The following PAX3 variants were observed in gnomAD, a reference collection of about 807,000 sequenced individuals.
PAX3 encodes paired box 3.
Under a neutral mutation model 51.6 loss-of-function variants are expected in PAX3, and 14 were observed. The observed-to-expected ratio is 0.27, with a 90% CI of 0.18 to 0.42. The LOEUF (loss-of-function observed/expected upper bound fraction) is 0.42, where lower values mean the gene tolerates loss of function less well. Ranked by LOEUF, PAX3 falls within the 10% of genes least tolerant of loss-of-function variation. The probability of loss-of-function intolerance (pLI) is 1.00; values close to 1 mark genes in which losing one functional copy is unlikely to be tolerated. For synonymous variants in PAX3, 280 were observed against 253.4 expected (o/e 1.11, Z -1.00); for missense variants, 540 against 642.8 (o/e 0.84, Z 1.73).
At position 222,228,473 on chromosome 2, in the gene PAX3, G is replaced by A. The variant is rs563613843; in HGVS notation, c.792+3605C>T. ...ATGCTGGGTGCTGTACAAGCTACAT[G>A]GGTTTGAAATATATTCTGTCTCCAT... On this transcript the variant is annotated intron_variant, in intron 5 of 8. Coordinates refer to ENST00000392070, the MANE Select transcript of PAX3 (RefSeq NM_181458.4). 3.5e-4 allele frequency among the ~76,000 whole-genome samples: 53 copies of A among 152,248 alleles called. 1 individual carries two copies. The South Asian group carries it at 0.011, about 32-fold the overall frequency.
At chr2:222,201,727 T>C (rs1339136620) in intron 8 of PAX3, 3 of 1,460,510 alleles carry the variant, frequency 2.1e-6, no homozygotes, top group African/African-American at 1.4e-5. Flanking sequence ...GTTTCACGTC[T>C]CAACAATTAA....
intron 4 of PAX3, among the ~76,000 whole-genome samples, chr2:222,238,783 T>C (rs1692893715): frequency 6.6e-6 from 1 of 152,208 alleles, no homozygotes; most frequent in Non-Finnish European, 1.5e-5. Context: ...GAATCCTTCC[T>C]GAGAGCTCCA....
chr2:222,220,234 C>G lies in PAX3; in HGVS notation c.1079G>C (p.Arg360Thr). ...SSSAYCLPST[R>T]HGFSSYTDSF... is the part of the protein sequence containing the mutation. ...GTCTGTATAGCTGGAAAATCCATGC[C>G]TGGTGCTGGGGAGGCAGTAGGCAGA... The change falls in exon 7 of 9, where the codon AGG becomes ACG. Residue 360 changes from arginine (R) to threonine (T), a missense_variant. Physicochemically the swap from Arg to Thr is moderately conservative, Grantham distance 71. This residue lies in a region of PAX3 where 427 missense variants were observed against 483.6 expected (regional missense o/e 0.88). Transcript: ENST00000392070. 1 of 1,613,924 alleles carries G rather than the reference C, an allele frequency of 6.2e-7. No individual in the cohort carries two copies. Among genetic ancestry groups the G allele is most frequent in the African/African-American group, 1.3e-5 (1 of 75,002 alleles).
intron 4 of PAX3, chr2:222,263,207 A>T (rs1176819471): frequency 6.6e-6 from 1 of 152,214 alleles, no homozygotes; most frequent in Non-Finnish European, 1.5e-5. Context: ...TTTGCAAATC[A>T]CATATCTGAC....
At chr2:222,268,692 C>T (rs1450463079) in intron 4 of PAX3, among the ~76,000 whole-genome samples, 1 of 152,122 alleles carries the variant, frequency 6.6e-6, no homozygotes, top group Non-Finnish European at 1.5e-5. Context: ...CTCTTGCAGG[C>T]TATTTTATTT....
intron 1 of PAX3, chr2:222,298,106 C>CA (rs3835977): frequency 0.39 from 63,048 of 162,892 alleles, 11,803 homozygotes; most frequent in Admixed American, 0.52. Flanking sequence ...CTTTGCAGGG[C>CA]AAAAAAAAAA....
chr2:222,239,024 C>G (rs1175056730), intron 4 of PAX3, among the ~76,000 whole-genome samples: 1 of 152,182 alleles, frequency 6.6e-6, no homozygotes, highest in Non-Finnish European at 1.5e-5. Context: ...TGACCTCTCT[C>G]GTGTTTACTC....
intron 7 of PAX3, among the ~76,000 whole-genome samples, chr2:222,218,179 G>A (rs1004105153): frequency 4.6e-5 from 7 of 152,108 alleles, no homozygotes; most frequent in Admixed American, 2.6e-4. Context: ...CAGGAAAAAT[G>A]CCTATGGAAT....
At chr2:222,290,997 G>A (rs1359651778) in intron 4 of PAX3, among the ~76,000 whole-genome samples, 2 of 152,102 alleles carry the variant, frequency 1.3e-5, no homozygotes, top group Non-Finnish European at 2.9e-5. Context: ...ACATAAAGGA[G>A]GCAATTGAGT....
intron 4 of PAX3, among the ~76,000 whole-genome samples, chr2:222,267,362 A>G (rs1044241281): frequency 3.9e-5 from 6 of 152,224 alleles, no homozygotes; most frequent in Non-Finnish European, 7.3e-5. Context: ...TATTTTCAGT[A>G]TTATAAGATG....
chr2:222,268,101 G>A (rs1694115158), intron 4 of PAX3, among the ~76,000 whole-genome samples: 1 of 152,180 alleles, frequency 6.6e-6, no homozygotes, highest in Non-Finnish European at 1.5e-5. Flanking sequence ...AACAAAACCT[G>A]TTATGCACAA....
At chr2:222,260,386 A>G (rs888792555) in intron 4 of PAX3, among the ~76,000 whole-genome samples, 1 of 152,122 alleles carries the variant, frequency 6.6e-6, no homozygotes, top group Non-Finnish European at 1.5e-5. Context: ...ACAACAGGAA[A>G]AGAAAGCTTC....
intron 4 of PAX3, among the ~76,000 whole-genome samples, chr2:222,235,780 G>GA (rs889556320): frequency 5.3e-5 from 8 of 150,404 alleles, no homozygotes; most frequent in East Asian, 3.9e-4. Flanking sequence ...TTCTTTAAAA[G>GA]AAAAAAAAAG....
intron 5 of PAX3, among the ~76,000 whole-genome samples, chr2:222,222,442 C>T (rs1453085895): frequency 2.0e-5 from 3 of 149,296 alleles, no homozygotes; most frequent in Non-Finnish European, 3.0e-5. Flanking sequence ...CTTGCTCTGT[C>T]GCCCAGTCTG....
chr2:222,220,388 T>C (rs1353871994), intron 6 of PAX3, 34 bp from the exon 7 acceptor site: 5 of 1,604,766 alleles, frequency 3.1e-6, no homozygotes, highest in Non-Finnish European at 4.3e-6. Context: ...CATCATGTTT[T>C]CTTTTAGGCC....
At chr2:222,209,696 C>CAAAAAAAAAAAAAAA (rs546468709) in intron 7 of PAX3, among the ~76,000 whole-genome samples, 4 of 61,372 alleles carry the variant, frequency 6.5e-5, no homozygotes, top group Non-Finnish European at 9.0e-5. Context: ...TCTGTCTCTA[C>CAAAAAAAAAAAAAAA]AAAAAAAAAA....
chr2:222,273,733 C>G (rs1347735202), intron 4 of PAX3, among the ~76,000 whole-genome samples: 2 of 152,130 alleles, frequency 1.3e-5, no homozygotes, highest in Non-Finnish European at 2.9e-5. Flanking sequence ...TATTTAGTTG[C>G]AGCATTTTTG....
In PAX3 at chr2:222,232,259, C is replaced by A. The variant is rs765799185; in HGVS notation, c.611G>T (p.Gly204Val). Residue 204 changes from glycine (G) to valine (V), a missense_variant, in exon 5 of 9, where the codon GGC (glycine) becomes GTC (valine). This residue lies in a region of PAX3 where 427 missense variants were observed against 483.6 expected (regional missense o/e 0.88). Transcript: ENST00000392070. The stretch of plus-strand genomic sequence containing the variant: ...ATCTGGTTCAGAGTCAATATCAGAG[C>A]CTTCATCTGATTGGGGTGCTGAGGC... The part of the protein sequence containing the change: ...ERASAPQSDE[G>V]SDIDSEPDLP... 2 of 1,613,794 alleles carry A rather than the reference C, an allele frequency of 1.2e-6. No homozygotes were observed. The highest frequency in any genetic ancestry group is 1.7e-6 in the Non-Finnish European group (2 of 1,179,786).
intron 5 of PAX3, among the ~76,000 whole-genome samples, chr2:222,225,462 A>T (rs1692349400): frequency 6.6e-6 from 1 of 152,240 alleles, no homozygotes; most frequent in East Asian, 1.9e-4. Context: ...TTTATGAGTA[A>T]GCAAACCAGT....
Sources: allele counts gnomAD v4.1 joint callset (sites outside exome capture counted in the v4.1 genomes callset), GRCh38; gene constraint gnomAD v4.1.1; regional missense constraint gnomAD v4.1.1; transcripts MANE v1.5; gene names NCBI Gene and HGNC (gene_info 2026-07-23, HGNC 2026-07-21).